SPRED2: variants seen among roughly 807,000 people sequenced by gnomAD.
SPRED2 encodes the protein sprouty related EVH1 domain containing 2, also known as sprouty-related, EVH1 domain-containing protein 2.
SPRED2 carries 47 observed loss-of-function variants against 43.0 expected under a neutral mutation model. The observed-to-expected ratio is 1.09, with a 90% confidence interval of 0.87 to 1.40. The LOEUF (loss-of-function observed/expected upper bound fraction) is 1.40. Ranked by LOEUF, SPRED2 falls within the 40% of genes most tolerant of loss-of-function variation. The probability of loss-of-function intolerance (pLI) is 0.00; values close to 1 mark genes in which losing one functional copy is unlikely to be tolerated. For missense variants in SPRED2, 561 were observed against 586.4 expected (o/e 0.96, Z 0.45); for synonymous variants, 225 against 225.7 (o/e 1.00, Z 0.03).
chr2:65,312,221 CA>C lies in SPRED2; in HGVS notation c.*1279del. Reference sequence around the variant, plus strand: ...TGGCTGACCTAACCACCTGTGCACCCAAAGTGGCGAGTCTGGGTTTGGAGTT... The same window carrying C: ...TGGCTGACCTAACCACCTGTGCACCCAAGTGGCGAGTCTGGGTTTGGAGTT... On this transcript the variant is annotated 3_prime_UTR_variant, in exon 6 of 6. Coordinates refer to ENST00000356388, the MANE Select transcript of SPRED2 (RefSeq NM_181784.3). 1.0e-6 allele frequency: 1 copy of C among 985,720 alleles called. No individual in the cohort carries two copies. Among genetic ancestry groups the C allele is most frequent in the Non-Finnish European group, 1.2e-6 (1 of 829,928 alleles). 61.1% of individuals were successfully genotyped at this position (985,720 alleles called of 1,614,324 possible).
chr2:65,349,051 G>A (rs1363353924), intron 1 of SPRED2, among the ~76,000 whole-genome samples: 1 of 152,184 alleles, frequency 6.6e-6, no homozygotes, highest in East Asian at 1.9e-4. Flanking sequence ...GCTCACGCCT[G>A]TAATCCCAGC....
intron 2 of SPRED2, among the ~76,000 whole-genome samples, chr2:65,339,249 G>GC (rs1674104517): frequency 6.8e-6 from 1 of 146,906 alleles, no homozygotes; most frequent in Admixed American, 6.7e-5. Context: ...TTGAGAATGG[G>GC]CCATGATGAC....
chr2:65,323,329 A>C (rs190789957), intron 4 of SPRED2, among the ~76,000 whole-genome samples: 104 of 152,288 alleles, frequency 6.8e-4, no homozygotes, highest in African/African-American at 2.2e-3. Flanking sequence ...CTATAAAAAA[A>C]CCACATACTT....
At chr2:65,405,569 G>C (rs1173296242) in intron 1 of SPRED2, among the ~76,000 whole-genome samples, 3 of 152,078 alleles carry the variant, frequency 2.0e-5, no homozygotes, top group Non-Finnish European at 2.9e-5. Context: ...CCCCAATTAA[G>C]TCCAATACAC....
At chr2:65,402,146 G>T (rs1355451337) in intron 1 of SPRED2, among the ~76,000 whole-genome samples, 5 of 151,556 alleles carry the variant, frequency 3.3e-5, no homozygotes, top group Admixed American at 6.6e-5. Flanking sequence ...GGGCGTGGTG[G>T]CATGCACCTG....
At chr2:65,350,055 C>A (rs954389573) in intron 1 of SPRED2, among the ~76,000 whole-genome samples, 1 of 152,242 alleles carries the variant, frequency 6.6e-6, no homozygotes, top group Non-Finnish European at 1.5e-5. Flanking sequence ...GGTGTATTTA[C>A]GTTACTCAGG....
chr2:65,375,389 A>G (rs1675217226), intron 1 of SPRED2, among the ~76,000 whole-genome samples: 1 of 152,218 alleles, frequency 6.6e-6, no homozygotes, highest in Non-Finnish European at 1.5e-5. Context: ...AGAGATCTGT[A>G]GGGGAGATGA....
chr2:65,315,087 A>G (rs771036632), intron 5 of SPRED2, among the ~76,000 whole-genome samples: 2 of 146,260 alleles, frequency 1.4e-5, no homozygotes, highest in African/African-American at 2.8e-5. Context: ...CAGACACTGA[A>G]TAAATATTTA....
At chr2:65,336,625 T>C (rs962388125) in intron 2 of SPRED2, among the ~76,000 whole-genome samples, 3 of 152,114 alleles carry the variant, frequency 2.0e-5, no homozygotes, top group Non-Finnish European at 4.4e-5. Flanking sequence ...GAAATCCAAA[T>C]AATCAAGAAT....
At chr2:65,325,257 T>C (rs1237177769) in intron 4 of SPRED2, among the ~76,000 whole-genome samples, 1 of 152,208 alleles carries the variant, frequency 6.6e-6, no homozygotes, top group East Asian at 1.9e-4. Context: ...GAAATCACAA[T>C]GTGCAAAGAG....
chr2:65,397,289 T>C (rs532267283), intron 1 of SPRED2, among the ~76,000 whole-genome samples: 39 of 152,300 alleles, frequency 2.6e-4, no homozygotes, highest in African/African-American at 8.9e-4. Context: ...GACTCAGGCC[T>C]GTCACAAGTT....
chr2:65,373,859 T>A (rs1558674664), intron 1 of SPRED2: 1 of 152,148 alleles, frequency 6.6e-6, no homozygotes, highest in Non-Finnish European at 1.5e-5. Context: ...GAGATAAGGA[T>A]TACATGAGGG....
chr2:65,408,990 A>G (rs1431153288), intron 1 of SPRED2, among the ~76,000 whole-genome samples: 2 of 152,178 alleles, frequency 1.3e-5, no homozygotes, highest in African/African-American at 4.8e-5. Flanking sequence ...AGATATCTCA[A>G]AAGTCACAGA....
rs138634736 is a variant in SPRED2, at chr2:65,344,869, A to G, written c.54T>C (p.Ala18=). The G allele has an allele frequency of 3.7e-6, 6 of 1,614,022 alleles. No homozygotes were observed. The highest frequency in any genetic ancestry group is 1.1e-5 in the South Asian group (1 of 91,082). Reference sequence around the variant, plus strand: ...TGGAGTCATCTCTGGTCATAACCACAGCCTTGACACGCACAATATAGCTGT... The same window carrying G: ...TGGAGTCATCTCTGGTCATAACCACGGCCTTGACACGCACAATATAGCTGT... ...DDDSYIVRVK[A]VVMTRDDSSG... is the part of the protein sequence containing the mutation. Residue 18 remains alanine (A), a synonymous_variant, in exon 2 of 6, where the codon GCT becomes GCC. Transcript: ENST00000356388.
intron 1 of SPRED2, among the ~76,000 whole-genome samples, chr2:65,401,937 G>GCACGCACA (rs1553426623): frequency 8.7e-6 from 1 of 114,714 alleles, no homozygotes; most frequent in Non-Finnish European, 1.9e-5. Flanking sequence ...GCGCGCGCGC[G>GCACGCACA]CACACACACA....
At chr2:65,342,234 T>C (rs1056989642) in intron 2 of SPRED2, among the ~76,000 whole-genome samples, 29 of 146,276 alleles carry the variant, frequency 2.0e-4, no homozygotes, top group Admixed American at 3.4e-4. Flanking sequence ...ATATTATGTA[T>C]GTATATTTTG....
rs1485162410 is a variant in SPRED2, at chr2:65,335,905, AGCCC to A, written c.205-1136_205-1133del. Among the ~76,000 whole-genome samples, 274 of 152,354 alleles carry A rather than the reference AGCCC, an allele frequency of 1.8e-3. 2 individuals are homozygous for A. The East Asian group carries it at 0.029, about 16-fold the overall frequency. On this transcript the variant is annotated intron_variant, in intron 2 of 5. Coordinates refer to ENST00000356388, the MANE Select transcript of SPRED2 (RefSeq NM_181784.3). ...CATAATGATTTTGCTAAGTTTTAAT[AGCCC>A]AATCTTGTTCTGGCAAAGATCTGCA... is the stretch of plus-strand genomic sequence containing the variant.
At chr2:65,317,008 CA>C in intron 4 of SPRED2, 125 bp from the exon 5 acceptor site, 1 of 1,016,950 alleles carries the variant, frequency 9.8e-7, no homozygotes, top group Non-Finnish European at 1.4e-6. Context: ...CTGCTCTTCC[CA>C]AAATCTTGAG....
Position 65,313,111 on chromosome 2 carries a change from A to C in SPRED2, c.*390T>G. On this transcript the variant is annotated 3_prime_UTR_variant, in exon 6 of 6. Transcript: ENST00000356388. The stretch of plus-strand genomic sequence containing the variant: ...CGCTCTTGGAAAAATCAACTACAAA[A>C]CCCACCGAAAATCAGCAGTTCCAAT... The C allele has an allele frequency of 4.0e-6, 4 of 998,506 alleles. No individual in the cohort carries two copies. Among genetic ancestry groups the C allele is most frequent in the Non-Finnish European group, 4.8e-6 (4 of 839,160 alleles). 61.9% of individuals were successfully genotyped at this position (998,506 alleles called of 1,614,324 possible).
Sources: gnomAD v4.1 joint callset for allele counts (sites outside exome capture counted in the v4.1 genomes callset) on GRCh38, gnomAD v4.1.1 for gene constraint, MANE v1.5 for transcripts, NCBI Gene and HGNC (gene_info 2026-07-23, HGNC 2026-07-21) for gene names.